OSBPL1A: variants seen among roughly 807,000 people sequenced by gnomAD.
The protein encoded by OSBPL1A is oxysterol-binding protein-related protein 1.
OSBPL1A carries 80 observed loss-of-function variants against 137.1 expected under a neutral mutation model. The ratio of observed to expected loss-of-function variants is 0.58; its 90% CI spans 0.49 to 0.70. The LOEUF is 0.70. Ranked by LOEUF, OSBPL1A falls within the 30% of genes least tolerant of loss-of-function variation. The probability of loss-of-function intolerance (pLI) is 0.00; values close to 1 mark genes in which losing one functional copy is unlikely to be tolerated. For synonymous variants in OSBPL1A, 365 were observed against 389.7 expected (o/e 0.94, Z 0.75); for missense variants, 970 against 1,129.4 (o/e 0.86, Z 2.02).
chr18:24,298,248 A>G (rs1371280864), intron 14 of OSBPL1A, among the ~76,000 whole-genome samples: 5 of 152,216 alleles, frequency 3.3e-5, no homozygotes, highest in African/African-American at 9.6e-5. Context: ...ATGAAGAAAT[A>G]ACCATAAAAA....
intron 15 of OSBPL1A, among the ~76,000 whole-genome samples, chr18:24,253,457 C>T (rs765440832): frequency 1.3e-5 from 2 of 152,170 alleles, no homozygotes; most frequent in Non-Finnish European, 2.9e-5. Context: ...GCTCACCTTG[C>T]CTGCTGCCTA....
At chr18:24,317,560 C>A in intron 9 of OSBPL1A, among the ~76,000 whole-genome samples, 160 bp from the exon 10 acceptor site, 1 of 151,922 alleles carries the variant, frequency 6.6e-6, no homozygotes. Context: ...GTACTAAGTG[C>A]AGTAATGAAA....
At chr18:24,196,101 C>T in intron 18 of OSBPL1A, 24 bp downstream of exon 18, 2 of 1,563,766 alleles carry the variant, frequency 1.3e-6, no homozygotes, top group Non-Finnish European at 1.8e-6. Flanking sequence ...TGCTTAATAT[C>T]ATATGACAAA....
intron 4 of OSBPL1A, among the ~76,000 whole-genome samples, chr18:24,356,314 G>A (rs923302147): frequency 2.0e-5 from 3 of 152,144 alleles, no homozygotes; most frequent in Admixed American, 6.6e-5. Flanking sequence ...ATGAACTGTC[G>A]TGAATTCCCC....
rs772587126 is a variant in OSBPL1A at position 24,368,334 on chromosome 18, G to A, written c.160C>T (p.Leu54=). ...TGTCTGTGTCCAAAATAGCATGCCA[G>A]ATGTAGAGGTGTCCAGCCCAAGTTA... ...KSNLGWTPLH[L]ACYFGHRQVV... The change falls in exon 3 of 28, where the codon CTG becomes TTG. Residue 54 remains leucine (L), a synonymous_variant. Transcript: ENST00000319481. 5.6e-6 allele frequency: 9 copies of A among 1,613,642 alleles called. No individual in the cohort carries two copies. In the African/African-American group the frequency reaches 1.2e-4, roughly 22 times the overall value.
At chr18:24,278,442 G>C (rs2089892040) in intron 15 of OSBPL1A, among the ~76,000 whole-genome samples, 1 of 152,150 alleles carries the variant, frequency 6.6e-6, no homozygotes, top group African/African-American at 2.4e-5. Flanking sequence ...CTGGTACTAT[G>C]CTAAGTATTT....
At chr18:24,211,925 A>T (rs1029022615) in intron 17 of OSBPL1A, among the ~76,000 whole-genome samples, 3 of 152,110 alleles carry the variant, frequency 2.0e-5, no homozygotes, top group African/African-American at 7.2e-5. Flanking sequence ...AAAAAAATCA[A>T]TGCATTCAAC....
rs769604484 is a variant in OSBPL1A at position 24,368,299 on chromosome 18, C to G, written c.195G>C (p.Gln65His). 4.3e-6 allele frequency: 7 copies of G among 1,611,508 alleles called. No homozygotes were observed. Among genetic ancestry groups the G allele is most frequent in the Non-Finnish European group, 5.1e-6 (6 of 1,177,902 alleles). Reference sequence around the variant, plus strand: ...GTCATAAATAGACCTTCAACAGATCCTGGACCACTTGTCTGTGTCCAAAAT... The same window carrying G: ...GTCATAAATAGACCTTCAACAGATCGTGGACCACTTGTCTGTGTCCAAAAT... ...ACYFGHRQVV[Q>H]DLLKAGAEVN... The change falls in exon 3 of 28, where the codon CAG (glutamine) becomes CAC (histidine). Residue 65 changes from glutamine (Q) to histidine (H), a missense_variant. Coordinates refer to ENST00000319481, the MANE Select transcript of OSBPL1A (RefSeq NM_080597.4).
At chr18:24,294,332 A>G (rs986378339) in intron 14 of OSBPL1A, among the ~76,000 whole-genome samples, 6 of 151,938 alleles carry the variant, frequency 3.9e-5, no homozygotes, top group African/African-American at 1.5e-4. Flanking sequence ...CCTGGGTTCA[A>G]GCGATTCTTC....
intron 9 of OSBPL1A, 133 bp downstream of exon 9, chr18:24,318,468 T>A: frequency 1.6e-5 from 12 of 773,248 alleles, no homozygotes; most frequent in African/African-American, 3.6e-5. Context: ...AAATCAGTGG[T>A]TTACATTATA....
chr18:24,300,847 T>C (rs962260536), intron 14 of OSBPL1A, among the ~76,000 whole-genome samples: 1 of 152,198 alleles, frequency 6.6e-6, no homozygotes, highest in Non-Finnish European at 1.5e-5. Context: ...ATACAGGGTC[T>C]GGCTCTGCCA....
intron 15 of OSBPL1A, among the ~76,000 whole-genome samples, chr18:24,250,155 T>TTTTG (rs2089035076): frequency 4.6e-5 from 2 of 43,514 alleles, no homozygotes; most frequent in South Asian, 1.8e-3. Flanking sequence ...TTTGTGTGTT[T>TTTTG]TTGTTTGTTT....
At chr18:24,260,836 T>TAAAAAAAAAA (rs2089429602) in intron 15 of OSBPL1A, among the ~76,000 whole-genome samples, 1 of 49,820 alleles carries the variant, frequency 2.0e-5, no homozygotes, top group Non-Finnish European at 4.5e-5. Context: ...TTAAAAGAAC[T>TAAAAAAAAAA]CAAAAAAAAA....
At position 24,299,032 on chromosome 18, in the gene OSBPL1A, T is replaced by G. The variant is rs946389840; in HGVS notation, c.1174+4605A>C. Reference sequence around the variant, plus strand: ...TGTTATTGCTTTAAAGTCTGTCTGATGTAAAAATAGCTACTCCTGCCTGCT... The same window carrying G: ...TGTTATTGCTTTAAAGTCTGTCTGAGGTAAAAATAGCTACTCCTGCCTGCT... On this transcript the variant is annotated intron_variant, in intron 14 of 27. Coordinates refer to ENST00000319481, the MANE Select transcript of OSBPL1A (RefSeq NM_080597.4). Among the ~76,000 whole-genome samples the G allele has an allele frequency of 7.2e-5, 11 of 152,208 alleles. 1 individual carries two copies. The highest frequency in any genetic ancestry group is 7.2e-4 in the Admixed American group (11 of 15,274).
At chr18:24,317,984 A>T (rs975210332) in intron 9 of OSBPL1A, among the ~76,000 whole-genome samples, 4 of 152,112 alleles carry the variant, frequency 2.6e-5, no homozygotes, top group African/African-American at 9.7e-5. Flanking sequence ...ATAATACTGT[A>T]ATTCTTTGAT....
At chr18:24,310,667 A>G (rs1422611794) in intron 13 of OSBPL1A, among the ~76,000 whole-genome samples, 1 of 151,552 alleles carries the variant, frequency 6.6e-6, no homozygotes, top group African/African-American at 2.4e-5. Flanking sequence ...GTAAGTTAGT[A>G]TGCTTTTATT....
In OSBPL1A at chr18:24,224,668, T is replaced by C. The variant is rs138433381; in HGVS notation, c.1601+374A>G. On this transcript the variant is annotated intron_variant, in intron 17 of 27. Coordinates refer to ENST00000319481, the MANE Select transcript of OSBPL1A (RefSeq NM_080597.4). ...GCCACTCATTCTTAATAAAACCAAC[T>C]AGAAGATCAAATGGCCAGAAACTAA... Among the ~76,000 whole-genome samples, 432 of 152,294 alleles carry C rather than the reference T, an allele frequency of 2.8e-3. 8 individuals carry two copies. Among genetic ancestry groups the C allele is most frequent in the African/African-American group, 9.5e-3 (396 of 41,562 alleles).
At position 24,178,205 on chromosome 18, in the gene OSBPL1A, TAAA is replaced by T. The variant is rs370187142; in HGVS notation, c.1911-13_1911-11del. 3.9e-4 allele frequency: 451 copies of T among 1,170,090 alleles called. No homozygotes were observed. Among genetic ancestry groups the T allele is most frequent in the South Asian group, 6.0e-4 (32 of 53,382 alleles). The allele number at this position is 1,170,090 out of a possible 1,614,324, so 72.5% of individuals were successfully genotyped here. A position where few individuals can be genotyped will look rare whatever the true frequency, so the allele number is the denominator to read the frequency against. On this transcript the variant is annotated splice_polypyrimidine_tract_variant and intron_variant, in intron 20 of 27. Transcript: ENST00000319481. ...AAATCCAAGGTCATCTCTTAAGATT[TAAA>T]AAAAAAAAAAAAGAAAAAAAAAAGC...
intron 7 of OSBPL1A, among the ~76,000 whole-genome samples, chr18:24,331,730 T>C (rs1401851021): frequency 1.3e-5 from 2 of 151,838 alleles, no homozygotes; most frequent in Non-Finnish European, 2.9e-5. Flanking sequence ...AGACACCTTT[T>C]ATAGCTTCTT....
Sources: allele counts gnomAD v4.1 joint callset (sites outside exome capture counted in the v4.1 genomes callset), GRCh38; gene constraint gnomAD v4.1.1; transcripts MANE v1.5; gene names NCBI Gene and HGNC (gene_info 2026-07-23, HGNC 2026-07-21).